Variants in GPM6A observed in about 807,000 individuals in gnomAD.
GPM6A encodes the protein glycoprotein M6A.
A neutral mutation model predicts 32.1 loss-of-function variants in GPM6A; 7 were observed. That is an observed-to-expected ratio of 0.22 (90% CI 0.12 to 0.41). The LOEUF (loss-of-function observed/expected upper bound fraction) is 0.41, where lower values mean the gene tolerates loss of function less well. Among genes scored for constraint, GPM6A ranks in the 10% least tolerant of loss-of-function variants. GPM6A has a pLI of 1.00. For missense variants in GPM6A, 235 were observed against 347.2 expected, an observed-to-expected ratio of 0.68 and a Z score of 2.57; for synonymous variants, 130 against 123.4, an observed-to-expected ratio of 1.05 and a Z score of -0.35.
intron 1 of GPM6A, among the ~76,000 whole-genome samples, chr4:175,980,738 C>T (rs550346050): frequency 2.0e-5 from 3 of 152,118 alleles, no homozygotes; most frequent in Middle Eastern, 3.4e-3. Context: ...AGTGATGTGA[C>T]GACTGAAAAG....
At chr4:175,668,135 TAAGAACTTTA>T (rs1742850817) in intron 3 of GPM6A, among the ~76,000 whole-genome samples, 2 of 152,064 alleles carry the variant, frequency 1.3e-5, no homozygotes, top group Admixed American at 6.5e-5. Context: ...TCAGAAAAAA[TAAGAACTTTA>T]TTTTTTCTTA....
chr4:175,673,588 A>C, intron 3 of GPM6A, 92 bp downstream of exon 3: 1 of 891,986 alleles, frequency 1.1e-6, no homozygotes, highest in Admixed American at 2.6e-5. Flanking sequence ...GTGTGAAAAA[A>C]AAATACTTTA....
intron 1 of GPM6A, among the ~76,000 whole-genome samples, chr4:175,917,584 G>A (rs1738534018): frequency 6.6e-6 from 1 of 152,142 alleles, no homozygotes; most frequent in African/African-American, 2.4e-5. Flanking sequence ...AGTGTGGGCG[G>A]CTATTAAAAA....
At chr4:175,812,850 C>T (rs146181225), upstream of GPM6A, 392 of 985,284 alleles carry the variant, frequency 4.0e-4, 3 homozygotes, top group African/African-American at 6.6e-3. Context: ...TTTCTCTCCT[C>T]ACTAAGTATT....
chr4:175,737,344 G>A (rs537132815), intron 1 of GPM6A, among the ~76,000 whole-genome samples: 2 of 152,004 alleles, frequency 1.3e-5, no homozygotes, highest in South Asian at 4.2e-4. Context: ...CCGTAATCCT[G>A]CACGCCTGTA....
chr4:175,864,692 G>T (rs1314468809), intron 1 of GPM6A, among the ~76,000 whole-genome samples: 1 of 151,916 alleles, frequency 6.6e-6, no homozygotes, highest in Non-Finnish European at 1.5e-5. Context: ...CTTTGTGGGG[G>T]CATACTATTC....
rs1157252320 is a variant in GPM6A at position 175,668,157 on chromosome 4, T to G, written c.387+5523A>C. Reference sequence around the variant, plus strand: ...AAATAAGAACTTTATTTTTTCTTATTTATTTCTTCCTACAATTTATGTACT... The same window carrying G: ...AAATAAGAACTTTATTTTTTCTTATGTATTTCTTCCTACAATTTATGTACT... On this transcript the variant is annotated intron_variant, in intron 3 of 6. Transcript: ENST00000393658. Among the ~76,000 whole-genome samples, 6 of 152,232 alleles carry G rather than the reference T, an allele frequency of 3.9e-5. No homozygotes were observed. In the East Asian group the frequency reaches 1.2e-3, roughly 29 times the overall value.
At chr4:175,706,755 G>A (rs1249345818) in intron 1 of GPM6A, among the ~76,000 whole-genome samples, 1 of 152,204 alleles carries the variant, frequency 6.6e-6, no homozygotes, top group Non-Finnish European at 1.5e-5. Context: ...TGCATATGCA[G>A]TGGGTTAGGT....
At chr4:175,731,368 A>G (rs990062125) in intron 1 of GPM6A, among the ~76,000 whole-genome samples, 3 of 152,074 alleles carry the variant, frequency 2.0e-5, no homozygotes, top group African/African-American at 7.2e-5. Flanking sequence ...CACTTACTGA[A>G]CTTCTACACT....
chr4:175,683,775 G>A (rs1339411725), intron 2 of GPM6A, among the ~76,000 whole-genome samples: 3 of 151,740 alleles, frequency 2.0e-5, no homozygotes, highest in Non-Finnish European at 2.9e-5. Context: ...AGTAATAGAT[G>A]CCACTATACT....
chr4:175,726,288 T>C (rs964557352), intron 1 of GPM6A, among the ~76,000 whole-genome samples: 56 of 152,128 alleles, frequency 3.7e-4, no homozygotes, highest in Non-Finnish European at 2.9e-5. Flanking sequence ...CGTGAGCCAC[T>C]GCGCCCAGCC....
At chr4:175,751,197 A>T (rs1732321521) in intron 1 of GPM6A, among the ~76,000 whole-genome samples, 1 of 152,186 alleles carries the variant, frequency 6.6e-6, no homozygotes, top group Non-Finnish European at 1.5e-5. Context: ...GAATATGAGG[A>T]TATGATAGCA....
intron 1 of GPM6A, chr4:175,795,988 C>T (rs1262888858): frequency 6.6e-6 from 1 of 152,266 alleles, no homozygotes; most frequent in Non-Finnish European, 1.5e-5. Flanking sequence ...GAGACTGCAG[C>T]TGTAACTAAC....
At chr4:176,000,502 T>C (rs180690522) in intron 1 of GPM6A, among the ~76,000 whole-genome samples, 22 of 152,330 alleles carry the variant, frequency 1.4e-4, no homozygotes, top group Admixed American at 1.3e-3. Context: ...TTAAAAATAA[T>C]TAAGTTTGAA....
intron 1 of GPM6A, chr4:175,872,539 A>C (rs1736944573): frequency 6.6e-6 from 1 of 152,228 alleles, no homozygotes; most frequent in African/African-American, 2.4e-5. Flanking sequence ...TTGTATAATA[A>C]ACTCTCTTTA....
chr4:175,939,904 A>T (rs1397197043), intron 1 of GPM6A, among the ~76,000 whole-genome samples: 2 of 152,192 alleles, frequency 1.3e-5, no homozygotes, highest in Non-Finnish European at 2.9e-5. Context: ...CATAAGCACA[A>T]ATAGAACCAT....
chr4:175,812,802 A>C, upstream of GPM6A: 2 of 985,258 alleles, frequency 2.0e-6, no homozygotes, highest in Non-Finnish European at 2.4e-6. Context: ...GTGGCTTCTC[A>C]CCCAGTCAGA....
intron 1 of GPM6A, among the ~76,000 whole-genome samples, chr4:175,880,900 T>C (rs2111457130): frequency 6.6e-6 from 1 of 152,300 alleles, no homozygotes; most frequent in East Asian, 1.9e-4. Flanking sequence ...CTGATTGCCC[T>C]GGCCAGAACG....
intron 1 of GPM6A, among the ~76,000 whole-genome samples, chr4:175,953,145 T>C (rs1415229565): frequency 6.6e-6 from 1 of 151,904 alleles, no homozygotes; most frequent in Non-Finnish European, 1.5e-5. Flanking sequence ...GCATGCATTC[T>C]ACATATCTAA....
Sources: gnomAD v4.1 joint callset for allele counts (sites outside exome capture counted in the v4.1 genomes callset) on GRCh38, gnomAD v4.1.1 for gene constraint, MANE v1.5 for transcripts, NCBI Gene and HGNC (gene_info 2026-07-23, HGNC 2026-07-21) for gene names.